RASSF3: variants seen among roughly 807,000 people sequenced by gnomAD.
RASSF3 encodes the protein ras association domain-containing protein 3.
A neutral mutation model predicts 19.9 loss-of-function variants in RASSF3; 19 were observed. That is an observed-to-expected ratio of 0.96 (90% confidence interval 0.67 to 1.40). The LOEUF (loss-of-function observed/expected upper bound fraction) is 1.40, where lower values mean the gene tolerates loss of function less well. RASSF3 is among the 40% of genes most tolerant of loss of function. The pLI, the probability that RASSF3 is intolerant of heterozygous loss-of-function variation, is 0.00. For synonymous variants in RASSF3, 110 were observed against 104.2 expected (o/e 1.06, Z -0.34); for missense variants, 306 against 289.8 (o/e 1.06, Z -0.41).
At chr12:64,619,409 C>G (rs1172440853) in intron 1 of RASSF3, among the ~76,000 whole-genome samples, 1 of 151,828 alleles carries the variant, frequency 6.6e-6, no homozygotes, top group African/African-American at 2.4e-5. Context: ...AGTTTAAGGA[C>G]AGAAGAGGGC....
At chr12:64,507,153 C>T in exon 1 of RASSF3, 1 of 398,600 alleles carries the variant, frequency 2.5e-6, no homozygotes, top group Non-Finnish European at 4.4e-6. Context: ...TTACTGTGCT[C>T]CTCATCCATG....
chr12:64,649,589 G>A (rs764264808), intron 1 of RASSF3, among the ~76,000 whole-genome samples: 2 of 152,196 alleles, frequency 1.3e-5, no homozygotes, highest in East Asian at 3.8e-4. Context: ...TAGGGTACCC[G>A]GTTAGGACAT....
intron 2 of RASSF3, among the ~76,000 whole-genome samples, chr12:64,571,828 T>C (rs1869523807): frequency 6.6e-6 from 1 of 152,190 alleles, no homozygotes; most frequent in African/African-American, 2.4e-5. Flanking sequence ...TGCTTGGCCA[T>C]GCCCAGCTAT....
chr12:64,622,905 C>G (rs1160263355), intron 1 of RASSF3, among the ~76,000 whole-genome samples: 1 of 151,768 alleles, frequency 6.6e-6, no homozygotes, highest in African/African-American at 2.4e-5. Flanking sequence ...ACTGCAACCT[C>G]CATCTCCTGA....
chr12:64,599,755 G>A (rs754127187), intron 2 of RASSF3, among the ~76,000 whole-genome samples: 13 of 152,150 alleles, frequency 8.5e-5, no homozygotes, highest in Non-Finnish European at 1.9e-4. Flanking sequence ...CTGATAAGCC[G>A]GGCGCGGTGG....
intron 1 of RASSF3, among the ~76,000 whole-genome samples, chr12:64,633,821 A>G (rs1428353569): frequency 6.6e-6 from 1 of 152,112 alleles, no homozygotes; most frequent in Non-Finnish European, 1.5e-5. Flanking sequence ...TTAGAGACTG[A>G]TTAAATTTGA....
At chr12:64,536,124 G>A (rs1212598732) in intron 1 of RASSF3, among the ~76,000 whole-genome samples, 1 of 150,156 alleles carries the variant, frequency 6.7e-6, no homozygotes, top group Non-Finnish European at 1.5e-5. Context: ...TCAGCTACCC[G>A]AGTAGCTGGG....
At chr12:64,591,064 T>A (rs998794852) in intron 2 of RASSF3, among the ~76,000 whole-genome samples, 5 of 152,016 alleles carry the variant, frequency 3.3e-5, no homozygotes, top group Admixed American at 3.3e-4. Context: ...TGCTAAGAGG[T>A]TTCTTCACAT....
intron 1 of RASSF3, among the ~76,000 whole-genome samples, chr12:64,650,163 T>C (rs1353892450): frequency 6.6e-6 from 1 of 152,218 alleles, no homozygotes; most frequent in African/African-American, 2.4e-5. Context: ...AATGTGCCTT[T>C]AATTCTATCT....
At chr12:64,659,601 A>G (rs1025683476) in intron 1 of RASSF3, among the ~76,000 whole-genome samples, 12 of 152,174 alleles carry the variant, frequency 7.9e-5, no homozygotes, top group Non-Finnish European at 1.5e-5. Context: ...GCAACAGTCT[A>G]TTAATAGAAT....
At chr12:64,633,963 A>T (rs1871246800) in intron 1 of RASSF3, among the ~76,000 whole-genome samples, 1 of 152,154 alleles carries the variant, frequency 6.6e-6, no homozygotes, top group Non-Finnish European at 1.5e-5. Context: ...GCAAAACTGT[A>T]TCTCTACAAA....
intron 1 of RASSF3, among the ~76,000 whole-genome samples, chr12:64,658,021 C>T (rs1042651762): frequency 1.1e-4 from 16 of 152,162 alleles, no homozygotes; most frequent in African/African-American, 3.6e-4. Flanking sequence ...CACTGCACTC[C>T]AGCCTGGGTG....
rs535163300 is a variant in RASSF3, at chr12:64,563,430, A to G, written c.294+21725A>G. Among the ~76,000 whole-genome samples, 547 of 152,258 alleles carry G rather than the reference A, an allele frequency of 3.6e-3. 4 individuals are homozygous for G. The highest frequency in any genetic ancestry group is 0.013 in the African/African-American group (522 of 41,560). Reference sequence around the variant, plus strand: ...GGTGATCCTCCCACCTCAGCTTCCCAAAGTGCTGGGATTACAGGCATGAGC... The same window carrying G: ...GGTGATCCTCCCACCTCAGCTTCCCGAAGTGCTGGGATTACAGGCATGAGC... On this transcript the variant is annotated intron_variant, in intron 2 of 5. Transcript: ENST00000637125.
At chr12:64,569,127 C>G (rs997166526) in intron 2 of RASSF3, among the ~76,000 whole-genome samples, 1 of 152,230 alleles carries the variant, frequency 6.6e-6, no homozygotes, top group Non-Finnish European at 1.5e-5. Context: ...GAGGTTTTGG[C>G]TGGGCCAAGT....
At chr12:64,625,701 T>C (rs987203805) in intron 1 of RASSF3, among the ~76,000 whole-genome samples, 2 of 152,154 alleles carry the variant, frequency 1.3e-5, no homozygotes, top group Admixed American at 6.5e-5. Flanking sequence ...CAGACTCTGC[T>C]GCTGTCCTTA....
rs1039384955 is a variant in RASSF3 at position 64,558,956 on chromosome 12, C to A, written c.294+17251C>A. On this transcript the variant is annotated intron_variant, in intron 2 of 5. Transcript: ENST00000637125. ...CCATCACTTTTACCCCTAGGGACAC[C>A]GTGCTCTACTGTCTCACAGCTCCCT... Among the ~76,000 whole-genome samples the A allele has an allele frequency of 2.0e-5, 3 of 152,152 alleles. No individual in the cohort carries two copies. In the East Asian group the frequency reaches 5.8e-4, roughly 29 times the overall value.
chr12:64,697,404 GGGT>G lies in RASSF3; in HGVS notation c.*2496_*2498del, dbSNP rs1426615189. 7 of 152,070 alleles carry G rather than the reference GGGT, an allele frequency of 4.6e-5. No individual in the cohort carries two copies. Among genetic ancestry groups the G allele is most frequent in the African/African-American group, 1.7e-4 (7 of 41,386 alleles). The allele number at this position is 152,070 out of a possible 1,614,324, so 9.4% of individuals were successfully genotyped here. ...GGTACAGGAAGGATGTTAAATGAAGGGGTGGTATTGCAGGAGAGCATTTTAAAT... is the reference window on the plus strand; with the variant it reads ...GGTACAGGAAGGATGTTAAATGAAGGGGTATTGCAGGAGAGCATTTTAAAT... On this transcript the variant is annotated 3_prime_UTR_variant, in exon 5 of 5. Transcript: ENST00000542104.
chr12:64,535,373 T>C (rs1868802262), intron 1 of RASSF3, among the ~76,000 whole-genome samples: 1 of 152,150 alleles, frequency 6.6e-6, no homozygotes, highest in South Asian at 2.1e-4. Context: ...CTCCCCTTTT[T>C]TCTTTTTTGG....
chr12:64,603,670 G>A (rs1165612733), intron 2 of RASSF3, among the ~76,000 whole-genome samples: 1 of 152,110 alleles, frequency 6.6e-6, no homozygotes, highest in East Asian at 1.9e-4. Flanking sequence ...TTTATTATGT[G>A]CCAGGCACAA....
Sources: gnomAD v4.1 joint callset for allele counts (sites outside exome capture counted in the v4.1 genomes callset) on GRCh38, gnomAD v4.1.1 for gene constraint, MANE v1.5 for transcripts, NCBI Gene and HGNC (gene_info 2026-07-23, HGNC 2026-07-21) for gene names.